The following TLL1 variants were observed in gnomAD, a reference collection of about 807,000 sequenced individuals.
TLL1 encodes the protein tolloid-like protein 1.
In TLL1, 49 loss-of-function variants were observed where a neutral mutation model predicts 128.2. That is an observed-to-expected ratio of 0.38 (90% CI 0.30 to 0.48). The LOEUF (loss-of-function observed/expected upper bound fraction) is 0.48. Among genes scored for constraint, TLL1 ranks in the 20% least tolerant of loss-of-function variants. The pLI, the probability that TLL1 is intolerant of heterozygous loss-of-function variation, is 0.96. For synonymous variants in TLL1, 454 were observed against 418.8 expected (o/e 1.08, Z -1.03); for missense variants, 1,123 against 1,242.0 (o/e 0.90, Z 1.44).
At chr4:165,992,655 C>A in intron 2 of TLL1, 149 bp from the exon 3 acceptor site, 1 of 725,694 alleles carries the variant, frequency 1.4e-6, no homozygotes, top group Non-Finnish European at 2.3e-6. Flanking sequence ...TTTTTACCCC[C>A]TTCAAAGATT....
intron 1 of TLL1, among the ~76,000 whole-genome samples, chr4:165,905,108 T>C (rs1732190204): frequency 6.6e-6 from 1 of 152,200 alleles, no homozygotes; most frequent in Non-Finnish European, 1.5e-5. Context: ...CATACAATAC[T>C]GTGGGAGTGT....
chr4:166,081,439 T>C (rs1741277673), intron 18 of TLL1, among the ~76,000 whole-genome samples: 1 of 152,158 alleles, frequency 6.6e-6, no homozygotes, highest in South Asian at 2.1e-4. Flanking sequence ...CACCTCCTGC[T>C]TTTTCCACAA....
intron 8 of TLL1, among the ~76,000 whole-genome samples, chr4:166,022,996 C>T (rs1186178284): frequency 6.6e-6 from 1 of 152,136 alleles, no homozygotes; most frequent in African/African-American, 2.4e-5. Context: ...CAAGAAACAC[C>T]ATTGTGAAGT....
intron 7 of TLL1, among the ~76,000 whole-genome samples, chr4:166,010,832 T>TA (rs1249291801): frequency 1.3e-5 from 2 of 151,350 alleles, no homozygotes; most frequent in Non-Finnish European, 3.0e-5. Context: ...GTGTTTTTTT[T>TA]AAAAAAGAGA....
At chr4:166,017,571 C>T (rs1197144810) in intron 8 of TLL1, among the ~76,000 whole-genome samples, 4 of 152,130 alleles carry the variant, frequency 2.6e-5, no homozygotes, top group African/African-American at 7.2e-5. Context: ...TGTAAGCATT[C>T]TCTTTCTCTA....
At chr4:166,097,989 G>A (rs565571351) in intron 19 of TLL1, among the ~76,000 whole-genome samples, 1 of 152,114 alleles carries the variant, frequency 6.6e-6, no homozygotes, top group Admixed American at 6.6e-5. Flanking sequence ...GGATAGGTTG[G>A]TGGGGCATTG....
intron 1 of TLL1, among the ~76,000 whole-genome samples, chr4:165,963,010 G>A (rs567089734): frequency 7.2e-5 from 10 of 138,254 alleles, no homozygotes; most frequent in East Asian, 2.2e-4. Flanking sequence ...AGCTGAGGTC[G>A]TGCCATTGCA....
intron 16 of TLL1, among the ~76,000 whole-genome samples, chr4:166,074,268 G>A (rs1202648511): frequency 6.6e-6 from 1 of 151,004 alleles, no homozygotes; most frequent in Non-Finnish European, 1.5e-5. Context: ...TTCTTCTTTA[G>A]AGTAGTTTAA....
chr4:165,930,517 T>C (rs1178338737), intron 1 of TLL1, among the ~76,000 whole-genome samples: 1 of 152,218 alleles, frequency 6.6e-6, no homozygotes, highest in Non-Finnish European at 1.5e-5. Flanking sequence ...TAAAATTTAC[T>C]GTGCTTTTGT....
intron 10 of TLL1, among the ~76,000 whole-genome samples, chr4:166,041,593 C>T (rs1739243298): frequency 6.6e-6 from 1 of 151,902 alleles, no homozygotes; most frequent in East Asian, 1.9e-4. Flanking sequence ...GCCACTGTGC[C>T]TGGCCGAGAG....
At chr4:165,936,579 A>G (rs1733773064) in intron 1 of TLL1, among the ~76,000 whole-genome samples, 2 of 152,180 alleles carry the variant, frequency 1.3e-5, no homozygotes, top group Non-Finnish European at 2.9e-5. Context: ...CAGAGCAACT[A>G]CAGTATACAT....
At chr4:166,046,010 G>A (rs901708411) in intron 12 of TLL1, among the ~76,000 whole-genome samples, 2 of 152,074 alleles carry the variant, frequency 1.3e-5, no homozygotes, top group South Asian at 2.1e-4. Flanking sequence ...TTATGTACAT[G>A]TTTATTATCT....
intron 1 of TLL1, among the ~76,000 whole-genome samples, chr4:165,918,065 C>T (rs1732865637): frequency 6.6e-6 from 1 of 151,982 alleles, no homozygotes. Flanking sequence ...ACGTATCTTA[C>T]CCCCCACAGC....
chr4:165,898,134 G>A (rs997126518), intron 1 of TLL1, among the ~76,000 whole-genome samples: 4 of 152,176 alleles, frequency 2.6e-5, no homozygotes, highest in African/African-American at 9.7e-5. Flanking sequence ...TTTAAGCTGA[G>A]ACTATGGGGT....
chr4:166,063,006 T>C (rs1740402387), intron 15 of TLL1, among the ~76,000 whole-genome samples: 1 of 152,210 alleles, frequency 6.6e-6, no homozygotes, highest in African/African-American at 2.4e-5. Context: ...GTTCTGTTTA[T>C]ATGATGGATT....
At chr4:165,911,453 T>A (rs1732523085) in intron 1 of TLL1, among the ~76,000 whole-genome samples, 1 of 152,222 alleles carries the variant, frequency 6.6e-6, no homozygotes, top group Non-Finnish European at 1.5e-5. Context: ...AAGGAACACT[T>A]AGGTTGATTC....
intron 1 of TLL1, among the ~76,000 whole-genome samples, chr4:165,905,795 G>A (rs1041344070): frequency 1.3e-5 from 2 of 152,158 alleles, no homozygotes; most frequent in African/African-American, 4.8e-5. Flanking sequence ...AAGAGAAGGT[G>A]TCTGAATGTG....
intron 19 of TLL1, among the ~76,000 whole-genome samples, chr4:166,095,102 G>A (rs1741959508): frequency 1.3e-5 from 2 of 151,946 alleles, no homozygotes; most frequent in African/African-American, 4.8e-5. Context: ...TATTTTTGAT[G>A]GATCCTTAAG....
intron 18 of TLL1, among the ~76,000 whole-genome samples, chr4:166,082,495 C>A (rs1422304311): frequency 6.6e-6 from 1 of 151,986 alleles, no homozygotes; most frequent in Admixed American, 6.6e-5. Context: ...ACTATTATTG[C>A]GTATATCAGC....
Sources: allele counts gnomAD v4.1 joint callset (sites outside exome capture counted in the v4.1 genomes callset), GRCh38; gene constraint gnomAD v4.1.1; transcripts MANE v1.5; gene names NCBI Gene and HGNC (gene_info 2026-07-23, HGNC 2026-07-21).